SLC35F3: variants seen among roughly 807,000 people sequenced by gnomAD.
SLC35F3 encodes the protein solute carrier family 35 member F3, also known as putative thiamine transporter SLC35F3.
Under a neutral mutation model 49.9 loss-of-function variants are expected in SLC35F3, and 25 were observed. The observed-to-expected ratio is 0.50, with a 90% CI of 0.37 to 0.70. The LOEUF (loss-of-function observed/expected upper bound fraction) is 0.70, where lower values mean the gene tolerates loss of function less well. SLC35F3 is among the 30% of genes least tolerant of loss of function. The pLI is 0.00. For missense variants in SLC35F3, 525 were observed against 639.8 expected, an observed-to-expected ratio of 0.82 and a Z score of 1.94; for synonymous variants, 275 against 265.4, an observed-to-expected ratio of 1.04 and a Z score of -0.35.
intron 2 of SLC35F3, among the ~76,000 whole-genome samples, chr1:234,085,370 T>C (rs540056244): frequency 6.6e-6 from 1 of 152,352 alleles, no homozygotes; most frequent in East Asian, 1.9e-4. Context: ...TGGATCTTTA[T>C]GATCAACTTG....
At chr1:234,134,153 TC>T (rs1665775386) in intron 2 of SLC35F3, among the ~76,000 whole-genome samples, 1 of 151,982 alleles carries the variant, frequency 6.6e-6, no homozygotes, top group East Asian at 1.9e-4. Flanking sequence ...ATTTTAACCA[TC>T]CATTATATAG....
At chr1:234,058,328 ATTTTTTTTTTTT>A (rs56960667) in intron 2 of SLC35F3, among the ~76,000 whole-genome samples, 449 of 39,810 alleles carry the variant, frequency 0.011, 10 homozygotes, top group Non-Finnish European at 0.013. Flanking sequence ...ATGTTCCTGA[ATTTTTTTTTTTT>A]TTTTTTTTTT....
At chr1:234,040,220 C>G (rs547885679) in intron 2 of SLC35F3, among the ~76,000 whole-genome samples, 1 of 152,084 alleles carries the variant, frequency 6.6e-6, no homozygotes, top group African/African-American at 2.4e-5. Context: ...TGCCTCTCTC[C>G]GATGTCCAGC....
At chr1:233,915,317 T>C (rs1347252560) in intron 2 of SLC35F3, among the ~76,000 whole-genome samples, 1 of 152,232 alleles carries the variant, frequency 6.6e-6, no homozygotes, top group Non-Finnish European at 1.5e-5. Flanking sequence ...TCTTAGTGTA[T>C]GTCAATTTCG....
intron 3 of SLC35F3, among the ~76,000 whole-genome samples, chr1:234,297,188 T>C (rs1668611237): frequency 1.3e-5 from 2 of 152,294 alleles, no homozygotes; most frequent in South Asian, 4.1e-4. Context: ...AGGGAACCCT[T>C]GTACACCGTT....
chr1:234,226,680 T>C (rs1469358007), intron 2 of SLC35F3, among the ~76,000 whole-genome samples: 1 of 152,150 alleles, frequency 6.6e-6, no homozygotes, highest in Non-Finnish European at 1.5e-5. Flanking sequence ...AGCTCACCCA[T>C]TGTGACCTGA....
chr1:234,107,960 A>C (rs1332471361), intron 2 of SLC35F3, among the ~76,000 whole-genome samples: 1 of 151,882 alleles, frequency 6.6e-6, no homozygotes, highest in African/African-American at 2.4e-5. Flanking sequence ...CTAGCCTCAC[A>C]GAACTATTAG....
chr1:234,168,762 A>C (rs1666354419), intron 2 of SLC35F3, among the ~76,000 whole-genome samples: 1 of 152,234 alleles, frequency 6.6e-6, no homozygotes, highest in Non-Finnish European at 1.5e-5. Context: ...TTGCGGTCTC[A>C]GAAACCTAAC....
chr1:234,057,097 C>T (rs1664468877), intron 2 of SLC35F3, among the ~76,000 whole-genome samples: 1 of 151,940 alleles, frequency 6.6e-6, no homozygotes, highest in South Asian at 2.1e-4. Context: ...AAGTGTGACT[C>T]CTTCTATTTT....
At chr1:234,247,864 T>TTGTTTGATGGGTCAGTTGGCTGGTGCAG (rs1667664338) in intron 3 of SLC35F3, among the ~76,000 whole-genome samples, 1 of 151,988 alleles carries the variant, frequency 6.6e-6, no homozygotes, top group African/African-American at 2.4e-5. Context: ...GGCTGGTGCA[T>TTGTTTGATGGGTCAGTTGGCTGGTGCAG]TGTTTGATGG....
chr1:234,283,565 G>C (rs1424288387), intron 3 of SLC35F3, among the ~76,000 whole-genome samples: 1 of 152,230 alleles, frequency 6.6e-6, no homozygotes, highest in Non-Finnish European at 1.5e-5. Context: ...TAACAAGAGG[G>C]AGATTTAATG....
At chr1:234,322,529 G>A (rs1377533496) in intron 7 of SLC35F3, among the ~76,000 whole-genome samples, 1 of 152,084 alleles carries the variant, frequency 6.6e-6, no homozygotes, top group African/African-American at 2.4e-5. Flanking sequence ...CATTGAGTAG[G>A]CTGAGGAGGA....
At chr1:234,250,602 C>G (rs1257387495) in intron 3 of SLC35F3, among the ~76,000 whole-genome samples, 1 of 144,214 alleles carries the variant, frequency 6.9e-6, no homozygotes, top group Non-Finnish European at 1.5e-5. Flanking sequence ...TGCAGTGAGC[C>G]GAGATCCCGC....
intron 2 of SLC35F3, among the ~76,000 whole-genome samples, chr1:234,123,185 A>G (rs759637382): frequency 3.9e-5 from 6 of 152,176 alleles, no homozygotes; most frequent in Non-Finnish European, 4.4e-5. Context: ...AGGGTATCTC[A>G]TTGTGGTTTG....
At chr1:234,189,937 A>G (rs899205893) in intron 2 of SLC35F3, among the ~76,000 whole-genome samples, 15 of 152,320 alleles carry the variant, frequency 9.8e-5, no homozygotes, top group African/African-American at 3.1e-4. Flanking sequence ...CAAAACAATT[A>G]TCAGCCAAGA....
intron 2 of SLC35F3, among the ~76,000 whole-genome samples, chr1:233,937,161 CAAG>C (rs1390888877): frequency 6.6e-6 from 1 of 152,146 alleles, no homozygotes; most frequent in South Asian, 2.1e-4. Flanking sequence ...AGGGGAAAAT[CAAG>C]AAGAACTGAA....
At chr1:233,928,665 T>G (rs1313397984) in intron 2 of SLC35F3, among the ~76,000 whole-genome samples, 1 of 152,168 alleles carries the variant, frequency 6.6e-6, no homozygotes, top group Non-Finnish European at 1.5e-5. Context: ...AGTGACAACT[T>G]TGGTTAATAT....
chr1:233,927,947 CTT>C (rs1298467586), intron 2 of SLC35F3, among the ~76,000 whole-genome samples: 1 of 152,062 alleles, frequency 6.6e-6, no homozygotes, highest in Admixed American at 6.6e-5. Flanking sequence ...AAAATCATAT[CTT>C]ATAACTTTCA....
chr1:234,226,641 G>A (rs903842858), intron 2 of SLC35F3, among the ~76,000 whole-genome samples: 27 of 151,420 alleles, frequency 1.8e-4, no homozygotes, highest in Admixed American at 1.6e-3. Context: ...CTTGGTACCC[G>A]AATGAGTTGG....
Sources: allele counts gnomAD v4.1 joint callset (sites outside exome capture counted in the v4.1 genomes callset), GRCh38; gene constraint gnomAD v4.1.1; transcripts MANE v1.5; gene names NCBI Gene and HGNC (gene_info 2026-07-23, HGNC 2026-07-21).